The following ZNF232 variants were observed in gnomAD, a reference collection of about 807,000 sequenced individuals.
ZNF232 encodes zinc finger and SCAN domain-containing protein 11.
A neutral mutation model predicts 25.2 loss-of-function variants in ZNF232; 25 were observed. The observed-to-expected ratio is 0.99, with a 90% CI of 0.72 to 1.39. The LOEUF is 1.39. Among genes scored for constraint, ZNF232 ranks in the 40% most tolerant of loss-of-function variants. The pLI is 0.00. For missense variants in ZNF232, 519 were observed against 520.9 expected, an observed-to-expected ratio of 1.00 and a Z score of 0.04; for synonymous variants, 193 against 182.9, an observed-to-expected ratio of 1.06 and a Z score of -0.45.
At chr17:5,112,618 ATT>A (rs553692280), upstream of ZNF232, among the ~76,000 whole-genome samples, 1 of 143,730 alleles carries the variant, frequency 7.0e-6, no homozygotes, top group African/African-American at 2.5e-5. Flanking sequence ...CGCCCGGCTA[ATT>A]TTTTTTTTTT....
At chr17:5,111,808 A>C (rs775732271) in exon 1 of ZNF232, 6 of 1,613,860 alleles carry the variant, frequency 3.7e-6, no homozygotes. Flanking sequence ...ACCTCACAGG[A>C]CCAGGAGGTT....
At chr17:5,109,244 G>T in intron 2 of ZNF232, 150 bp downstream of exon 2, 1 of 1,252,518 alleles carries the variant, frequency 8.0e-7, no homozygotes, top group Non-Finnish European at 1.1e-6. Flanking sequence ...AGGGCTCGAG[G>T]GCAGAAAAGA....
chr17:5,116,409 G>C (rs1597944217), upstream of ZNF232: 1 of 144,216 alleles, frequency 6.9e-6, no homozygotes, highest in Non-Finnish European at 1.6e-5. Flanking sequence ...GCCGCTGGGG[G>C]AGAGGGGAAA....
At chr17:5,119,309 A>G (rs2072600049) in intron 1 of ZNF232, among the ~76,000 whole-genome samples, 1 of 152,220 alleles carries the variant, frequency 6.6e-6, no homozygotes, top group South Asian at 2.1e-4. Flanking sequence ...GGTAGGTTTT[A>G]TTTTGTGGAA....
At chr17:5,105,847 C>G in exon 4 of ZNF232, 1 of 1,601,102 alleles carries the variant, frequency 6.2e-7, no homozygotes, top group East Asian at 2.2e-5. Context: ...TCTTTTCTGG[C>G]ATGAACTCTC....
chr17:5,109,233 C>G (rs1032755000), intron 2 of ZNF232, 161 bp downstream of exon 2: 1 of 1,238,202 alleles, frequency 8.1e-7, no homozygotes, highest in Non-Finnish European at 1.2e-6. Flanking sequence ...CTTTCTCATT[C>G]AGGGCTCGAG....
chr17:5,119,965 C>G (rs753434322), intron 1 of ZNF232, among the ~76,000 whole-genome samples: 2 of 152,072 alleles, frequency 1.3e-5, no homozygotes, highest in African/African-American at 2.4e-5. Context: ...CTCTCCTTTC[C>G]AGAAGGTTCT....
In ZNF232 at chr17:5,109,116, C is replaced by T; in HGVS notation, c.499-64G>A. 4 of 1,606,276 alleles carry T rather than the reference C, an allele frequency of 2.5e-6. No homozygotes were observed. In the South Asian group the frequency reaches 4.4e-5, roughly 18 times the overall value. ...CAAATTACTAGTGTGGTTTCTGTCC[C>T]CTGCCTGGACACTTGCAGATGTGAC... On this transcript the variant is annotated intron_variant, in intron 2 of 3. Coordinates refer to ENST00000575898, the Ensembl canonical transcript of ZNF232.
intron 1 of ZNF232, among the ~76,000 whole-genome samples, chr17:5,118,553 C>T (rs1178516271): frequency 6.6e-6 from 1 of 152,228 alleles, no homozygotes; most frequent in East Asian, 1.9e-4. Flanking sequence ...AACAGCTCAG[C>T]TGGCCCCTAG....
In ZNF232 at chr17:5,116,929, A is replaced by C. The variant is rs185467807; in HGVS notation, c.-529-4578T>G. On this transcript the variant is annotated intron_variant, in intron 1 of 4. Transcript: ENST00000250076. Reference sequence around the variant, plus strand: ...GGAGGGAGCAATCTTCACAGAGGGAACAGCTCGTGGAAAGGCCACAGGGCA... The same window carrying C: ...GGAGGGAGCAATCTTCACAGAGGGACCAGCTCGTGGAAAGGCCACAGGGCA... 1.4e-3 allele frequency among the ~76,000 whole-genome samples: 206 copies of C among 152,342 alleles called. 3 individuals are homozygous for C. The highest frequency in any genetic ancestry group is 3.5e-4 in the Non-Finnish European group (24 of 68,028).
At chr17:5,115,458 GGAC>G (rs2072508520), upstream of ZNF232, among the ~76,000 whole-genome samples, 2 of 152,014 alleles carry the variant, frequency 1.3e-5, no homozygotes, top group Non-Finnish European at 2.9e-5. Flanking sequence ...GGCTGAGGCG[GGAC>G]AACAGCTTTA....
At chr17:5,111,563 C>T (rs2072410455) in intron 1 of ZNF232, 2 of 615,806 alleles carry the variant, frequency 3.2e-6, no homozygotes, top group South Asian at 4.2e-5. Context: ...ACCCTTCACT[C>T]CCTACCCAAG....
At chr17:5,121,118 C>T (rs1015635655) in intron 1 of ZNF232, among the ~76,000 whole-genome samples, 45 of 152,182 alleles carry the variant, frequency 3.0e-4, no homozygotes, top group African/African-American at 1.0e-3. Flanking sequence ...GTCCTAGGGA[C>T]AGCAATAGGT....
chr17:5,105,785 C>T (rs750239991), exon 4 of ZNF232: 40 of 1,500,222 alleles, frequency 2.7e-5, no homozygotes, highest in Admixed American at 2.2e-5. Flanking sequence ...TAGATTAGAC[C>T]GATGTAGAAT....
At chr17:5,111,643 A>T (rs1029761621) in intron 1 of ZNF232, 157 bp downstream of exon 1, 1 of 1,047,720 alleles carries the variant, frequency 9.5e-7, no homozygotes, top group Non-Finnish European at 1.4e-6. Flanking sequence ...CAACGCAGGT[A>T]GCGCAGCGCG....
intron 1 of ZNF232, chr17:5,121,489 G>C (rs2072662815): frequency 8.4e-6 from 2 of 239,270 alleles, no homozygotes; most frequent in South Asian, 1.2e-4. Context: ...AGCTCAGCAA[G>C]GTAGGGCCTC....
chr17:5,113,746 T>C (rs1324149145), upstream of ZNF232: 2 of 152,200 alleles, frequency 1.3e-5, no homozygotes, highest in East Asian at 3.8e-4. Flanking sequence ...CAGGATATCA[T>C]ACCCATTTTA....
At chr17:5,105,809 G>A (rs199968587) in exon 4 of ZNF232, 27 of 1,554,270 alleles carry the variant, frequency 1.7e-5, no homozygotes, top group African/African-American at 4.1e-5. Context: ...GTCTGGAGAC[G>A]TTCTCCCCTT....
At chr17:5,115,014 A>G (rs1462131197), upstream of ZNF232, 1 of 152,154 alleles carries the variant, frequency 6.6e-6, no homozygotes, top group East Asian at 1.9e-4. Flanking sequence ...CATCCAGTCT[A>G]TGGTATTTTG....
Sources: gnomAD v4.1 joint callset for allele counts (sites outside exome capture counted in the v4.1 genomes callset) on GRCh38, gnomAD v4.1.1 for gene constraint, MANE v1.5 for transcripts, NCBI Gene and HGNC (gene_info 2026-07-23, HGNC 2026-07-21) for gene names.